The following CDKL4 variants were observed in gnomAD, a reference collection of about 807,000 sequenced individuals.
CDKL4 encodes the protein cyclin-dependent kinase-like 4.
Under a neutral mutation model 42.0 loss-of-function variants are expected in CDKL4, and 44 were observed. The observed-to-expected ratio is 1.05, with a 90% confidence interval of 0.82 to 1.35. The LOEUF (loss-of-function observed/expected upper bound fraction) is 1.35, where lower values mean the gene tolerates loss of function less well. CDKL4 is among the 40% of genes most tolerant of loss of function. CDKL4 has a pLI of 0.00. For synonymous variants in CDKL4, 120 were observed against 121.6 expected (o/e 0.99, Z 0.09); for missense variants, 393 against 369.9 (o/e 1.06, Z -0.51).
intron 5 of CDKL4, among the ~76,000 whole-genome samples, chr2:39,195,885 G>T (rs1384317123): frequency 6.6e-6 from 1 of 152,152 alleles, no homozygotes; most frequent in Non-Finnish European, 1.5e-5. Context: ...GGACTAACTT[G>T]CAGCTATGAC....
intron 6 of CDKL4, among the ~76,000 whole-genome samples, 174 bp downstream of exon 6, chr2:39,190,131 G>T (rs947741141): frequency 6.6e-6 from 1 of 152,216 alleles, no homozygotes; most frequent in African/African-American, 2.4e-5. Flanking sequence ...TGCATGTTTA[G>T]AAAAGGATTG....
chr2:39,170,560 G>A, the CDKL4 span, among the ~76,000 whole-genome samples: 4 of 151,910 alleles, frequency 2.6e-5, no homozygotes, highest in African/African-American at 7.3e-5. Flanking sequence ...GGATTCAAGC[G>A]ATTCTCTTGC....
At chr2:39,178,540 A>G (rs1401954219) in intron 9 of CDKL4, 6 of 1,550,524 alleles carry the variant, frequency 3.9e-6, no homozygotes, top group Middle Eastern at 1.7e-4. Flanking sequence ...ACCTATTTCC[A>G]TGGAGTTTAC....
chr2:39,194,437 G>A (rs1471878906), intron 5 of CDKL4, among the ~76,000 whole-genome samples: 2 of 152,192 alleles, frequency 1.3e-5, no homozygotes, highest in East Asian at 3.8e-4. Flanking sequence ...TAATGCCACT[G>A]CACTCCAGCC....
rs1165000403 is a variant in CDKL4, at chr2:39,184,656, C to T, written c.736-9G>A. On this transcript the variant is annotated splice_polypyrimidine_tract_variant and intron_variant, in intron 7 of 9. Transcript: ENST00000451199. ...TTTTCCTCAAGAGTTTCCTGAAAAACAAGGTTAAAACATTCAATATTACAT... is the reference window on the plus strand; with the variant it reads ...TTTTCCTCAAGAGTTTCCTGAAAAATAAGGTTAAAACATTCAATATTACAT... The T allele has an allele frequency of 1.9e-6, 3 of 1,602,966 alleles. No homozygotes were observed. The highest frequency in any genetic ancestry group is 2.6e-6 in the Non-Finnish European group (3 of 1,172,322).
chr2:39,225,978 T>C lies in CDKL4; in HGVS notation c.169-18A>G, dbSNP rs1678690405. On this transcript the variant is annotated intron_variant, in intron 2 of 9. Transcript: ENST00000451199. ...TTTAATTGCTGTGAAAGAATTGAAATGCAAAGTTAAGTGATCTGTTACTAG... is the reference window on the plus strand; with the variant it reads ...TTTAATTGCTGTGAAAGAATTGAAACGCAAAGTTAAGTGATCTGTTACTAG... 1.2e-6 allele frequency: 2 copies of C among 1,604,870 alleles called. No individual in the cohort carries two copies. The highest frequency in any genetic ancestry group is 1.7e-6 in the Non-Finnish European group (2 of 1,176,776).
At chr2:39,228,318 C>G (rs1396302360) in intron 2 of CDKL4, among the ~76,000 whole-genome samples, 3 of 152,036 alleles carry the variant, frequency 2.0e-5, no homozygotes, top group African/African-American at 7.2e-5. Context: ...TTTTTTTTAT[C>G]ATGATGGATG....
chr2:39,171,074 A>G (rs1168819323), downstream of CDKL4, among the ~76,000 whole-genome samples: 2 of 152,004 alleles, frequency 1.3e-5, no homozygotes, highest in African/African-American at 4.8e-5. Flanking sequence ...CCCCATCTCT[A>G]CTAAAAACAC....
intron 9 of CDKL4, chr2:39,178,561 C>T: frequency 6.4e-7 from 1 of 1,551,114 alleles, no homozygotes; most frequent in Non-Finnish European, 8.7e-7. Flanking sequence ...GATTTAACTT[C>T]AAAGTTTTCT....
At chr2:39,233,092 G>A (rs947143006) in intron 1 of CDKL4, among the ~76,000 whole-genome samples, 93 of 136,544 alleles carry the variant, frequency 6.8e-4, no homozygotes, top group African/African-American at 2.3e-3. Context: ...GAAAAGAAAA[G>A]CCTAAATTCT....
intron 7 of CDKL4, 134 bp from the exon 8 acceptor site, chr2:39,184,781 C>G: frequency 1.6e-6 from 1 of 620,658 alleles, no homozygotes; most frequent in East Asian, 3.0e-5. Flanking sequence ...ATCTCCCAGG[C>G]TGCAGTGCAG....
chr2:39,237,685 C>T (rs1679443724), intron 1 of CDKL4, among the ~76,000 whole-genome samples: 2 of 152,034 alleles, frequency 1.3e-5, no homozygotes, highest in Non-Finnish European at 1.5e-5. Context: ...GCAAGAACCC[C>T]ATCTCTATAA....
chr2:39,230,648 G>C (rs895634910), intron 1 of CDKL4, among the ~76,000 whole-genome samples: 5 of 152,116 alleles, frequency 3.3e-5, no homozygotes, highest in Non-Finnish European at 7.3e-5. Context: ...ATTCTAATTA[G>C]TCTCAAAAAC....
chr2:39,219,010 A>G (rs1019940295), intron 3 of CDKL4, among the ~76,000 whole-genome samples: 4 of 152,172 alleles, frequency 2.6e-5, no homozygotes, highest in African/African-American at 9.7e-5. Flanking sequence ...TTTTTCTTCA[A>G]AGACTCATAA....
At chr2:39,188,197 C>CATG (rs1675945442) in intron 6 of CDKL4, among the ~76,000 whole-genome samples, 1 of 152,150 alleles carries the variant, frequency 6.6e-6, no homozygotes, top group Admixed American at 6.5e-5. Flanking sequence ...TCTGCAGACG[C>CATG]ATGCCTTCTC....
intron 7 of CDKL4, among the ~76,000 whole-genome samples, chr2:39,185,434 ATATATACATGTATATATACATATGTG>A (rs1675766459): frequency 1.3e-4 from 2 of 15,988 alleles, no homozygotes; most frequent in South Asian, 1.6e-3. Flanking sequence ...ATACATATGT[ATATATACATGTATATATACATATGTG>A]TATATATATA....
chr2:39,176,826 G>A (rs76718362), intron 9 of CDKL4, among the ~76,000 whole-genome samples: 18 of 152,248 alleles, frequency 1.2e-4, no homozygotes, highest in African/African-American at 3.4e-4. Flanking sequence ...TAAGGAAACC[G>A]CAATGAATGA....
intron 4 of CDKL4, among the ~76,000 whole-genome samples, chr2:39,207,506 G>C (rs1572985147): frequency 6.6e-6 from 1 of 152,156 alleles, no homozygotes; most frequent in African/African-American, 2.4e-5. Flanking sequence ...CTTGGTGATT[G>C]CATTAGAACA....
intron 6 of CDKL4, among the ~76,000 whole-genome samples, chr2:39,189,933 G>C (rs769151423): frequency 6.6e-6 from 1 of 152,162 alleles, no homozygotes; most frequent in Non-Finnish European, 1.5e-5. Flanking sequence ...AGAGTAAAGG[G>C]GGGAACCTCT....
Sources: allele counts gnomAD v4.1 joint callset (sites outside exome capture counted in the v4.1 genomes callset), GRCh38; gene constraint gnomAD v4.1.1; transcripts MANE v1.5; gene names NCBI Gene and HGNC (gene_info 2026-07-23, HGNC 2026-07-21).